TRPM8: variants seen among roughly 807,000 people sequenced by gnomAD.
TRPM8 encodes the protein transient receptor potential cation channel subfamily M member 8, also known as TRPM8 cationic channel.
In TRPM8, 110 loss-of-function variants were observed where a neutral mutation model predicts 133.7. The observed-to-expected ratio is 0.82, with a 90% CI of 0.70 to 0.96. The LOEUF is 0.96. Ranked by LOEUF, TRPM8 falls within the 40% of genes least tolerant of loss-of-function variation. The pLI, the probability that TRPM8 is intolerant of heterozygous loss-of-function variation, is 0.00. For missense variants in TRPM8, 1,291 were observed against 1,379.5 expected, an observed-to-expected ratio of 0.94 and a Z score of 1.02; for synonymous variants, 535 against 532.3, an observed-to-expected ratio of 1.01 and a Z score of -0.07.
At chr2:233,961,599 C>T (rs537615079) in intron 12 of TRPM8, among the ~76,000 whole-genome samples, 11 of 150,098 alleles carry the variant, frequency 7.3e-5, no homozygotes, top group South Asian at 4.3e-4. Flanking sequence ...CCACCGTGCC[C>T]GGCCTCTTTT....
chr2:233,970,405 C>G lies in TRPM8; in HGVS notation c.2334C>G (p.Leu778=). ...TCCTGTACTCGCTGGTCTTTGTCCTCTTCTGTGATGAAGTGAGACAGGTAG... is the reference window on the plus strand; with the variant it reads ...TCCTGTACTCGCTGGTCTTTGTCCTGTTCTGTGATGAAGTGAGACAGGTAG... ...ELVLYSLVFV[L]FCDEVRQWYV... is the part of the protein sequence containing the mutation. The change falls in exon 17 of 26, where the codon CTC becomes CTG. Residue 778 remains leucine (L), a synonymous_variant. Coordinates refer to ENST00000324695, the MANE Select transcript of TRPM8 (RefSeq NM_024080.5). 1 of 1,614,070 alleles carries G rather than the reference C, an allele frequency of 6.2e-7. No homozygotes were observed. The highest frequency in any genetic ancestry group is 8.5e-7 in the Non-Finnish European group (1 of 1,180,030).
intron 6 of TRPM8, 186 bp downstream of exon 6, chr2:233,942,934 G>T (rs1207348090): frequency 1.6e-6 from 1 of 639,206 alleles, no homozygotes; most frequent in Non-Finnish European, 2.8e-6. Context: ...ATTAACTGCT[G>T]GGAAAGAGTT....
At chr2:233,935,595 C>T (rs1690710333) in intron 3 of TRPM8, among the ~76,000 whole-genome samples, 2 of 152,174 alleles carry the variant, frequency 1.3e-5, no homozygotes, top group East Asian at 3.8e-4. Context: ...AGAGCTGTGC[C>T]CTTAGGGCCT....
At chr2:234,015,099 T>C (rs1450042377) in intron 25 of TRPM8, among the ~76,000 whole-genome samples, 5 of 152,246 alleles carry the variant, frequency 3.3e-5, no homozygotes, top group African/African-American at 1.2e-4. Flanking sequence ...AATATACAAA[T>C]ATGTTAATCA....
At position 234,015,775 on chromosome 2, in the gene TRPM8, A is replaced by AT. The variant is rs558060712; in HGVS notation, c.*42+1122dup. On this transcript the variant is annotated intron_variant, in intron 25 of 25. Transcript: ENST00000324695. ...ACGTGCTCAAGAAAATAAGCCTTGC[A>AT]TATTAAGGGAGAACTTATTTCAACT... Among the ~76,000 whole-genome samples the AT allele has an allele frequency of 2.8e-3, 423 of 152,360 alleles. 3 individuals are homozygous for AT. The highest frequency in any genetic ancestry group is 0.026 in the Admixed American group (394 of 15,296).
At chr2:233,926,865 C>T (rs1412887903) in intron 2 of TRPM8, among the ~76,000 whole-genome samples, 1 of 152,162 alleles carries the variant, frequency 6.6e-6, no homozygotes, top group East Asian at 1.9e-4. Context: ...CAGTTTGGGT[C>T]CATCTGCATT....
chr2:233,982,819 C>T (rs1438760902), intron 19 of TRPM8, among the ~76,000 whole-genome samples: 2 of 152,134 alleles, frequency 1.3e-5, no homozygotes, highest in Admixed American at 6.5e-5. Context: ...CTGGTTTGGA[C>T]ATCAGCAAGC....
intron 10 of TRPM8, chr2:233,954,914 C>A: frequency 2.2e-6 from 1 of 447,290 alleles, no homozygotes; most frequent in Non-Finnish European, 4.0e-6. Flanking sequence ...AAAAACATTA[C>A]TGTAGCCTGA....
At chr2:233,957,645 A>G (rs1285235022) in intron 11 of TRPM8, among the ~76,000 whole-genome samples, 1 of 152,232 alleles carries the variant, frequency 6.6e-6, no homozygotes, top group African/African-American at 2.4e-5. Flanking sequence ...TTATTTGTCT[A>G]CATTTACTAC....
chr2:234,007,081 T>C, intron 23 of TRPM8, 129 bp downstream of exon 23: 1 of 632,542 alleles, frequency 1.6e-6, no homozygotes, highest in East Asian at 2.9e-5. Context: ...ACCACAAAGA[T>C]ATTACCCGGG....
At chr2:234,014,777 C>G in intron 25 of TRPM8, 123 bp downstream of exon 25, 1 of 363,354 alleles carries the variant, frequency 2.8e-6, no homozygotes, top group Non-Finnish European at 4.6e-6. Context: ...GAAAATAATG[C>G]ATTGTGCAAA....
chr2:234,000,614 G>T (rs1692533885), intron 22 of TRPM8, among the ~76,000 whole-genome samples: 1 of 151,964 alleles, frequency 6.6e-6, no homozygotes. Flanking sequence ...GGAAAGCATA[G>T]AAATTTAATA....
At chr2:233,923,957 G>A (rs895390796) in intron 1 of TRPM8, among the ~76,000 whole-genome samples, 2 of 152,176 alleles carry the variant, frequency 1.3e-5, no homozygotes, top group Non-Finnish European at 2.9e-5. Flanking sequence ...GAACATGCTG[G>A]GCAGAAAGAA....
chr2:233,986,178 G>A (rs571172353), intron 21 of TRPM8, among the ~76,000 whole-genome samples: 4 of 152,344 alleles, frequency 2.6e-5, no homozygotes, highest in Admixed American at 6.5e-5. Flanking sequence ...TCACCCATTG[G>A]TGACGGAAAT....
rs1176193614 is a variant in TRPM8 at position 233,985,033 on chromosome 2, G to A, written c.2762-655G>A. ...TGGGAGGTAGAGGTTGCAGTGAGCC[G>A]AGATAGTGCCACTGCACTCCAGCCT... is the stretch of plus-strand genomic sequence containing the variant. On this transcript the variant is annotated intron_variant, in intron 20 of 25. Coordinates refer to ENST00000324695, the MANE Select transcript of TRPM8 (RefSeq NM_024080.5). Among the ~76,000 whole-genome samples the A allele has an allele frequency of 4.6e-5, 7 of 151,542 alleles. No homozygotes were observed. In the East Asian group the frequency reaches 5.8e-4, roughly 13 times the overall value.
At chr2:233,927,294 A>T (rs1412194179) in intron 2 of TRPM8, among the ~76,000 whole-genome samples, 2 of 152,140 alleles carry the variant, frequency 1.3e-5, no homozygotes, top group African/African-American at 4.8e-5. Flanking sequence ...TTTTGATCTC[A>T]CTGGTGGGTT....
Position 233,946,011 on chromosome 2 carries a change from C to T in TRPM8, c.855C>T (p.Ile285=), listed in dbSNP as rs1219124548. ...AKLRNQLEKY[I]SERTIQDSNY... ...TCCGGAATCAGCTAGAGAAGTATAT[C>T]TCTGAGCGCACTATTCAAGGTCAGT... Residue 285 remains isoleucine, a synonymous_variant, in exon 7 of 26, where the codon ATC becomes ATT. Transcript: ENST00000324695. 6.2e-7 allele frequency: 1 copy of T among 1,613,966 alleles called. No individual in the cohort carries two copies. The highest frequency in any genetic ancestry group is 1.3e-5 in the African/African-American group (1 of 74,900).
intron 14 of TRPM8, chr2:233,966,239 G>A (rs377480500): frequency 8.9e-5 from 17 of 190,186 alleles, no homozygotes; most frequent in East Asian, 3.5e-4. Flanking sequence ...CTCTGATTAC[G>A]GGGGGGTCGG....
chr2:233,945,764 A>G (rs1273195511), intron 6 of TRPM8, 92 bp from the exon 7 acceptor site: 29 of 1,216,318 alleles, frequency 2.4e-5, no homozygotes, highest in Non-Finnish European at 3.3e-5. Context: ...ATTGAACCCA[A>G]AGTATTAGCT....
Sources: allele counts gnomAD v4.1 joint callset (sites outside exome capture counted in the v4.1 genomes callset), GRCh38; gene constraint gnomAD v4.1.1; transcripts MANE v1.5; gene names NCBI Gene and HGNC (gene_info 2026-07-23, HGNC 2026-07-21).